Variants in TRAPPC8 observed in about 807,000 individuals in gnomAD.
TRAPPC8 encodes general sporulation gene 1 homolog.
TRAPPC8 carries 54 observed loss-of-function variants against 174.3 expected under a neutral mutation model. That is an observed-to-expected ratio of 0.31 (90% CI 0.25 to 0.39). TRAPPC8 has a LOEUF of 0.39. Among genes scored for constraint, TRAPPC8 ranks in the 10% least tolerant of loss-of-function variants. The pLI is 1.00. For synonymous variants in TRAPPC8, 630 were observed against 579.9 expected (o/e 1.09, Z -1.24); for missense variants, 1,531 against 1,699.1 (o/e 0.90, Z 1.74).
Position 31,885,909 on chromosome 18 carries a change from C to T in TRAPPC8, c.1728+4826G>A, listed in dbSNP as rs139419428. 6.6e-5 allele frequency among the ~76,000 whole-genome samples: 10 copies of T among 151,708 alleles called. No homozygotes were observed. The South Asian group carries it at 1.7e-3, about 25-fold the overall frequency. On this transcript the variant is annotated intron_variant, in intron 12 of 28. Coordinates refer to ENST00000283351, the MANE Select transcript of TRAPPC8 (RefSeq NM_014939.5). ...TGTCCTAAGGTATTTGAGGATAATA[C>T]GGCAAGAGATAAACCACTTAACACT...
In TRAPPC8 at chr18:31,855,705, T is replaced by A. The variant is rs143956044; in HGVS notation, c.3291A>T (p.Arg1097Ser). 1.7e-4 allele frequency: 281 copies of A among 1,610,780 alleles called. 1 individual carries two copies. Among genetic ancestry groups the A allele is most frequent in the Admixed American group, 3.2e-4 (19 of 59,128 alleles). ...RSNSLENEEG[R>S]GGNMLVFVDV... Reference sequence around the variant, plus strand: ...CCACAAAGACTAGCATATTGCCTCCTCTGCCTTCTTCATTTTCAAGAGAAT... The same window carrying A: ...CCACAAAGACTAGCATATTGCCTCCACTGCCTTCTTCATTTTCAAGAGAAT... Residue 1097 changes from arginine (R) to serine (S), a missense_variant, in exon 21 of 29, where the codon AGA becomes AGT. By Grantham distance (110) the Arg-to-Ser change is moderately radical. Coordinates refer to ENST00000283351, the MANE Select transcript of TRAPPC8 (RefSeq NM_014939.5).
chr18:31,831,465 T>G (rs1267049676), intron 28 of TRAPPC8, among the ~76,000 whole-genome samples: 1 of 152,360 alleles, frequency 6.6e-6, no homozygotes, highest in East Asian at 1.9e-4. Context: ...CATTTATTAT[T>G]TAATAGTTTC....
chr18:31,941,342 C>A (rs1037970663), intron 1 of TRAPPC8, among the ~76,000 whole-genome samples: 1 of 152,132 alleles, frequency 6.6e-6, no homozygotes, highest in Admixed American at 6.6e-5. Flanking sequence ...ACTCAGAAGG[C>A]TGAGGCAGGA....
chr18:31,874,125 T>TTTGG (rs1426078830), intron 13 of TRAPPC8: 1 of 294,838 alleles, frequency 3.4e-6, no homozygotes, highest in Non-Finnish European at 6.2e-6. Context: ...AATGTCCATC[T>TTTGG]CCAAAGGATG....
intron 19 of TRAPPC8, among the ~76,000 whole-genome samples, chr18:31,859,938 C>A (rs1230744520): frequency 1.3e-5 from 2 of 151,932 alleles, no homozygotes; most frequent in South Asian, 4.2e-4. Context: ...ATTGCTTGAA[C>A]CTGGGAGGCA....
At chr18:31,854,894 A>G (rs576436595) in intron 21 of TRAPPC8, among the ~76,000 whole-genome samples, 45 of 130,742 alleles carry the variant, frequency 3.4e-4, no homozygotes, top group Admixed American at 2.5e-3. Flanking sequence ...TGAACCCGGG[A>G]GGTGGAGCTT....
At chr18:31,933,014 A>AGAAAAG (rs2037916835) in intron 1 of TRAPPC8, among the ~76,000 whole-genome samples, 1 of 145,874 alleles carries the variant, frequency 6.9e-6, no homozygotes, top group African/African-American at 2.6e-5. Context: ...AAAAAAAAAA[A>AGAAAAG]AAAAAAGCCG....
Position 31,869,693 on chromosome 18 carries a change from A to G in TRAPPC8, c.2388+679T>C, listed in dbSNP as rs144744132. Among the ~76,000 whole-genome samples the G allele has an allele frequency of 1.7e-3, 262 of 152,320 alleles. 2 individuals are homozygous for G. Among genetic ancestry groups the G allele is most frequent in the Non-Finnish European group, 2.4e-3 (160 of 68,028 alleles). ...TATTATGCAAAAATAAAATATTAAG[A>G]CACTTTGATATCAGAATACGCCTAT... On this transcript the variant is annotated intron_variant, in intron 16 of 28. Coordinates refer to ENST00000283351, the MANE Select transcript of TRAPPC8 (RefSeq NM_014939.5).
intron 12 of TRAPPC8, among the ~76,000 whole-genome samples, chr18:31,884,798 G>A (rs1281819073): frequency 6.6e-6 from 1 of 152,010 alleles, no homozygotes; most frequent in East Asian, 1.9e-4. Flanking sequence ...CTTGAAGCCA[G>A]GAGTTTGAGA....
chr18:31,858,011 T>C, intron 19 of TRAPPC8, 29 bp from the exon 20 acceptor site: 1 of 1,536,312 alleles, frequency 6.5e-7, no homozygotes, highest in South Asian at 1.3e-5. Flanking sequence ...ATATTATTAT[T>C]TGTCTGTTAA....
At chr18:31,882,378 C>CA (rs2035497688) in intron 12 of TRAPPC8, among the ~76,000 whole-genome samples, 1 of 151,980 alleles carries the variant, frequency 6.6e-6, no homozygotes, top group Non-Finnish European at 1.5e-5. Context: ...GGCATGCTCT[C>CA]ACTTATAAGT....
chr18:31,863,797 T>C (rs2034449237), intron 19 of TRAPPC8, among the ~76,000 whole-genome samples: 1 of 152,000 alleles, frequency 6.6e-6, no homozygotes, highest in Admixed American at 6.6e-5. Flanking sequence ...ATAAGCCTGA[T>C]CCAAAGTGGA....
At chr18:31,836,727 G>T (rs569433931) in intron 27 of TRAPPC8, among the ~76,000 whole-genome samples, 5 of 151,234 alleles carry the variant, frequency 3.3e-5, no homozygotes, top group Admixed American at 6.6e-5. Context: ...TGGAACCTCT[G>T]GGGGTAGGAC....
At chr18:31,921,594 G>A (rs1201327580) in intron 2 of TRAPPC8, among the ~76,000 whole-genome samples, 3 of 150,630 alleles carry the variant, frequency 2.0e-5, no homozygotes, top group Non-Finnish European at 4.4e-5. Flanking sequence ...ACTCCAGCCT[G>A]GATGACAGAG....
At chr18:31,928,900 G>A (rs1308824243) in intron 2 of TRAPPC8, among the ~76,000 whole-genome samples, 4 of 152,124 alleles carry the variant, frequency 2.6e-5, no homozygotes, top group South Asian at 2.1e-4. Flanking sequence ...ATCCAGCCAG[G>A]CCAGGAGTGG....
chr18:31,833,521 A>T (rs2032505183), intron 27 of TRAPPC8: 1 of 152,202 alleles, frequency 6.6e-6, no homozygotes, highest in South Asian at 2.1e-4. Context: ...CATTTTCCTT[A>T]CAAGTTCAAG....
intron 19 of TRAPPC8, among the ~76,000 whole-genome samples, chr18:31,861,204 A>AT (rs569239960): frequency 2.0e-5 from 3 of 152,120 alleles, no homozygotes; most frequent in African/African-American, 4.8e-5. Context: ...GGATCTACTG[A>AT]TTTTTTTGTT....
chr18:31,920,940 C>A (rs1487867964), intron 2 of TRAPPC8, among the ~76,000 whole-genome samples: 1 of 120,134 alleles, frequency 8.3e-6, no homozygotes, highest in African/African-American at 3.2e-5. Flanking sequence ...AGCGACACTC[C>A]GTCTCAAAAA....
intron 19 of TRAPPC8, among the ~76,000 whole-genome samples, chr18:31,863,976 A>T (rs2034458836): frequency 6.8e-6 from 1 of 148,082 alleles, no homozygotes; most frequent in Admixed American, 6.7e-5. Flanking sequence ...TATAATACTA[A>T]AGTATTATAG....
Sources: gnomAD v4.1 joint callset for allele counts (sites outside exome capture counted in the v4.1 genomes callset) on GRCh38, gnomAD v4.1.1 for gene constraint, MANE v1.5 for transcripts, NCBI Gene and HGNC (gene_info 2026-07-23, HGNC 2026-07-21) for gene names.